The following NEB variants were observed in gnomAD, a reference collection of about 807,000 sequenced individuals.
NEB encodes nebulin, also known as nemaline myopathy type 2.
Under a neutral mutation model 952.2 loss-of-function variants are expected in NEB, and 512 were observed. The ratio of observed to expected loss-of-function variants is 0.54; its 90% CI spans 0.50 to 0.58. NEB has a LOEUF of 0.58. Among genes scored for constraint, NEB ranks in the 20% least tolerant of loss-of-function variants. The pLI is 0.00. For missense variants in NEB, 8,428 were observed against 9,231.1 expected (o/e 0.91, Z 3.56); for synonymous variants, 2,900 against 3,149.8 (o/e 0.92, Z 2.66).
chr2:151,541,779 C>T (rs1288568962), intron 135 of NEB, among the ~76,000 whole-genome samples: 1 of 152,182 alleles, frequency 6.6e-6, no homozygotes, highest in African/African-American at 2.4e-5. Flanking sequence ...ATTCAAGACT[C>T]CTGCTGTGTT....
chr2:151,514,990 A>C, intron 157 of NEB, 62 bp from the exon 158 acceptor site: 1 of 1,039,550 alleles, frequency 9.6e-7, no homozygotes, highest in South Asian at 1.5e-5. Flanking sequence ...ATATCTCTCC[A>C]TCTCAGGAAG....
At chr2:151,574,674 G>C (rs1367736011) in intron 107 of NEB, among the ~76,000 whole-genome samples, 1 of 151,714 alleles carries the variant, frequency 6.6e-6, no homozygotes, top group Non-Finnish European at 1.5e-5. Flanking sequence ...TGCTGAATTT[G>C]ATTTATTAAT....
At position 151,655,841 on chromosome 2, in the gene NEB, C is replaced by T. The variant is rs755634045; in HGVS notation, c.6678G>A (p.Lys2226=). 1.2e-6 allele frequency: 2 copies of T among 1,613,612 alleles called. No individual in the cohort carries two copies. Among genetic ancestry groups the T allele is most frequent in the Admixed American group, 1.7e-5 (1 of 59,978 alleles). The change falls in exon 50 of 182, where the codon AAG becomes AAA. Residue 2226 remains lysine, a synonymous_variant. Coordinates refer to ENST00000397345, the MANE Select transcript of NEB (RefSeq NM_001164508.2). ...LTDSMDMVLA[K]QNAHTMNKHL... is the part of the protein sequence containing the mutation. ...CCTTGTTCATGGTATGTGCATTCTG[C>T]TTGGCAAGCACCATGTCCATGGAAT... is the stretch of plus-strand genomic sequence containing the variant.
chr2:151,563,011 C>CTTT (rs397868741), intron 119 of NEB, among the ~76,000 whole-genome samples: 65 of 93,336 alleles, frequency 7.0e-4, no homozygotes, highest in Non-Finnish European at 9.3e-4. Flanking sequence ...AATTTCCCAT[C>CTTT]TTTTTTTTTT....
rs2080975428 is a variant in NEB at position 151,520,187 on chromosome 2, GA to G, written c.22480-420del. Among the ~76,000 whole-genome samples, 3 of 152,218 alleles carry G rather than the reference GA, an allele frequency of 2.0e-5. No individual in the cohort carries two copies. The South Asian group carries it at 6.2e-4, about 32-fold the overall frequency. On this transcript the variant is annotated intron_variant, in intron 153 of 181. Coordinates refer to ENST00000397345, the MANE Select transcript of NEB (RefSeq NM_001164508.2). ...CCAAAGAAGGGCTGTAAATGATCAA[GA>G]AGGTTGAAAAATAAAGAATCTGTTA...
chr2:151,549,886 A>T, intron 129 of NEB, 146 bp from the exon 130 acceptor site: 1 of 605,892 alleles, frequency 1.7e-6, no homozygotes. Context: ...GGAGAGAATT[A>T]AATACATTCT....
At chr2:151,536,826 T>C (rs144373355) in intron 141 of NEB, among the ~76,000 whole-genome samples, 326 of 152,322 alleles carry the variant, frequency 2.1e-3, no homozygotes, top group Non-Finnish European at 3.7e-3. Flanking sequence ...CCACTTTATA[T>C]TGGCTGTCAT....
intron 146 of NEB, among the ~76,000 whole-genome samples, chr2:151,528,274 C>G (rs867907795): frequency 2.6e-5 from 4 of 152,180 alleles, no homozygotes; most frequent in African/African-American, 9.6e-5. Context: ...GGAGCCTGCA[C>G]TATTAGGCAC....
intron 165 of NEB, 64 bp from the exon 166 acceptor site, chr2:151,503,505 A>C (rs2066350625): frequency 2.8e-6 from 3 of 1,077,714 alleles, no homozygotes; most frequent in Non-Finnish European, 4.3e-6. Flanking sequence ...GATAGCAGCC[A>C]CATGTGGGCT....
chr2:151,605,516 A>G (rs186562370), intron 84 of NEB, among the ~76,000 whole-genome samples: 6,448 of 116,174 alleles, frequency 0.056, 845 homozygotes, highest in African/African-American at 0.15. Context: ...AGTTCTGTGG[A>G]CAAGAGTTTC....
chr2:151,520,286 A>C (rs1348025364), intron 153 of NEB, among the ~76,000 whole-genome samples: 1 of 152,202 alleles, frequency 6.6e-6, no homozygotes, highest in East Asian at 1.9e-4. Context: ...AACTTGGCCA[A>C]AAATGGTATA....
At chr2:151,720,852 C>G (rs1243715441) in intron 9 of NEB, among the ~76,000 whole-genome samples, 1 of 152,216 alleles carries the variant, frequency 6.6e-6, no homozygotes, top group Non-Finnish European at 1.5e-5. Context: ...ATGTCTTTGG[C>G]TATCACTTTG....
rs16830173 is a variant in NEB at position 151,533,736 on chromosome 2, C to T, written c.21313-190G>A. On this transcript the variant is annotated intron_variant, in intron 142 of 181. Coordinates refer to ENST00000397345, the MANE Select transcript of NEB (RefSeq NM_001164508.2). ...AATGACTGCAATGCTTGCGGTTGGC[C>T]ATTCATAGTCCTTGTGAATGGGGAA... is the stretch of plus-strand genomic sequence containing the variant. Among the ~76,000 whole-genome samples the T allele has an allele frequency of 8.2e-3, 1,248 of 152,270 alleles. 24 individuals are homozygous for T. Among genetic ancestry groups the T allele is most frequent in the African/African-American group, 0.029 (1,193 of 41,554 alleles).
intron 63 of NEB, 113 bp from the exon 64 acceptor site, chr2:151,636,447 T>C: frequency 1.2e-6 from 1 of 862,696 alleles, no homozygotes; most frequent in South Asian, 1.7e-5. Flanking sequence ...ATCTTTCTTT[T>C]GAGAGTTCTA....
rs753261774 is a variant in NEB, at chr2:151,563,643, A to C, written c.18656T>G (p.Val6219Gly). 18 of 1,613,846 alleles carry C rather than the reference A, an allele frequency of 1.1e-5. No individual in the cohort carries two copies. Among genetic ancestry groups the C allele is most frequent in the Non-Finnish European group, 1.5e-5 (18 of 1,179,774 alleles). ...AGKVIGEFPG[V>G]VHCLDFQKMR... is the part of the protein sequence containing the mutation. ...CTTTTGGAAATCCAGACAGTGAACC[A>C]CACCAGGGAATTCACCGATCACTTT... is the stretch of plus-strand genomic sequence containing the variant. The change falls in exon 119 of 182, where the codon GTG (valine) becomes GGG (glycine). Residue 6219 changes from valine to glycine, a missense_variant. Physicochemically the swap from Val to Gly is moderately radical, Grantham distance 109. This residue lies in a region of NEB where 3,374 missense variants were observed against 3,651.5 expected (regional missense o/e 0.92). Coordinates refer to ENST00000397345, the MANE Select transcript of NEB (RefSeq NM_001164508.2).
chr2:151,653,871 G>C (rs1441317600), intron 52 of NEB, 121 bp downstream of exon 52: 1 of 613,712 alleles, frequency 1.6e-6, no homozygotes, highest in African/African-American at 1.9e-5. Context: ...AAGAGGGTAG[G>C]AGAAAATGAA....
intron 11 of NEB, 130 bp downstream of exon 11, chr2:151,710,304 C>T: frequency 2.0e-6 from 1 of 508,408 alleles, no homozygotes; most frequent in South Asian, 4.3e-5. Context: ...AACTCTGCAC[C>T]AGGTCTTGCC....
chr2:151,663,816 A>T lies in NEB; in HGVS notation c.5495T>A (p.Ile1832Asn), dbSNP rs751494785. 6.2e-7 allele frequency: 1 copy of T among 1,613,708 alleles called. No homozygotes were observed. The highest frequency in any genetic ancestry group is 8.5e-7 in the Non-Finnish European group (1 of 1,179,766). ...GTCATCTTCCAGGCTCCGGAAGCCA[A>T]TGTGTTTCCCTTTGGCTTGTTCATA... Reference protein sequence around the residue: ...KAYEQAKGKHIGFRSLEDDPK... With the variant: ...KAYEQAKGKHNGFRSLEDDPK... The change falls in exon 45 of 182, where the codon ATT becomes AAT. Residue 1832 changes from isoleucine (I) to asparagine (N), a missense_variant. Ile to Asn is a moderately radical substitution (Grantham distance 149, BLOSUM62 -3). Transcript: ENST00000397345.
chr2:151,491,633 G>T, intron 179 of NEB, 50 bp downstream of exon 179: 1 of 1,391,158 alleles, frequency 7.2e-7, no homozygotes, highest in South Asian at 1.2e-5. Flanking sequence ...ATTGACTCTA[G>T]CATACTAAAT....
Sources: allele counts gnomAD v4.1 joint callset (sites outside exome capture counted in the v4.1 genomes callset), GRCh38; gene constraint gnomAD v4.1.1; regional missense constraint gnomAD v4.1.1; transcripts MANE v1.5; gene names NCBI Gene and HGNC (gene_info 2026-07-23, HGNC 2026-07-21).